Variants in TRMT9B observed in about 807,000 individuals in gnomAD.
The protein encoded by TRMT9B is tRNA methyltransferase 9B (putative), also known as probable tRNA methyltransferase 9B.
Under a neutral mutation model 11.5 loss-of-function variants are expected in TRMT9B, and 16 were observed. The observed-to-expected ratio is 1.39, with a 90% CI of 0.94 to 2.11. The LOEUF (loss-of-function observed/expected upper bound fraction) is 2.11, where lower values mean the gene tolerates loss of function less well. Among genes scored for constraint, TRMT9B ranks in the 30% most tolerant of loss-of-function variants. The pLI, the probability that TRMT9B is intolerant of heterozygous loss-of-function variation, is 0.00. For synonymous variants in TRMT9B, 274 were observed against 192.4 expected (o/e 1.42, Z -3.51); for missense variants, 941 against 553.8 (o/e 1.70, Z -7.02).
chr8:12,988,342 G>C (rs1170807432), intron 1 of TRMT9B, among the ~76,000 whole-genome samples: 1 of 152,134 alleles, frequency 6.6e-6, no homozygotes, highest in Non-Finnish European at 1.5e-5. Context: ...ACACTGTTTA[G>C]ATCCATGATA....
intron 1 of TRMT9B, among the ~76,000 whole-genome samples, chr8:12,964,844 G>A (rs1330789072): frequency 2.0e-5 from 3 of 152,048 alleles, no homozygotes; most frequent in African/African-American, 7.2e-5. Flanking sequence ...CTCCCAGTTC[G>A]GCCTCCCAAA....
chr8:12,990,662 A>G (rs777436699), intron 1 of TRMT9B, among the ~76,000 whole-genome samples, 172 bp from the exon 2 acceptor site: 7 of 152,220 alleles, frequency 4.6e-5, no homozygotes, highest in African/African-American at 7.2e-5. Flanking sequence ...TTATTGGCCT[A>G]TTGATTTGAA....
intron 1 of TRMT9B, among the ~76,000 whole-genome samples, chr8:12,989,991 G>A (rs1156616659): frequency 2.0e-5 from 3 of 152,160 alleles, no homozygotes; most frequent in African/African-American, 4.8e-5. Context: ...CTTAAATAGG[G>A]GCCAGGACTA....
At chr8:12,959,926 C>G (rs1184982531) in intron 1 of TRMT9B, 1 of 152,136 alleles carries the variant, frequency 6.6e-6, no homozygotes, top group Non-Finnish European at 1.5e-5. Flanking sequence ...AGGGAGCTTC[C>G]AGGTACCCAG....
At chr8:12,949,164 C>CT (rs1374933099) in intron 1 of TRMT9B, among the ~76,000 whole-genome samples, 5 of 151,710 alleles carry the variant, frequency 3.3e-5, no homozygotes, top group Admixed American at 6.6e-5. Flanking sequence ...TTCTTTCTTT[C>CT]TTTTTTTATA....
Position 13,023,087 on chromosome 8 carries a change from C to G in TRMT9B, c.*1043C>G, listed in dbSNP as rs1165656224. The G allele has an allele frequency of 6.0e-6, 1 of 167,052 alleles. No individual in the cohort carries two copies. Among genetic ancestry groups the G allele is most frequent in the Non-Finnish European group, 1.5e-5 (1 of 68,126 alleles). The allele number at this position is 167,052 out of a possible 1,614,324, so 10.3% of individuals were successfully genotyped here. The stretch of plus-strand genomic sequence containing the variant: ...AGTACCCAAGTGGTATTCTTCCAAT[C>G]TTATTAGAAGCATGAATATTCAAGA... On this transcript the variant is annotated 3_prime_UTR_variant, in exon 5 of 5. Transcript: ENST00000524591.
chr8:12,990,717 C>T (rs1807185454), intron 1 of TRMT9B, 117 bp from the exon 2 acceptor site: 4 of 399,592 alleles, frequency 1.0e-5, no homozygotes, highest in Non-Finnish European at 8.2e-6. Context: ...ACAATTCTTT[C>T]TAATCCCTAC....
At chr8:13,012,916 T>C (rs1811925602) in intron 4 of TRMT9B, 59 bp downstream of exon 4, 1 of 1,581,840 alleles carries the variant, frequency 6.3e-7, no homozygotes, top group Non-Finnish European at 8.6e-7. Context: ...CCCGGTTTAG[T>C]CCGTTCTCAT....
chr8:12,982,775 G>A (rs1165552889), intron 1 of TRMT9B, among the ~76,000 whole-genome samples: 2 of 152,088 alleles, frequency 1.3e-5, no homozygotes, highest in African/African-American at 4.8e-5. Context: ...AACTTTTTGA[G>A]TGACCACATG....
chr8:12,962,239 A>T (rs994177978), intron 1 of TRMT9B: 1 of 152,240 alleles, frequency 6.6e-6, no homozygotes, highest in Non-Finnish European at 1.5e-5. Flanking sequence ...GCTTCATCAT[A>T]TGCCATTCCC....
chr8:12,963,113 T>G (rs1404804930), intron 1 of TRMT9B, among the ~76,000 whole-genome samples: 1 of 152,196 alleles, frequency 6.6e-6, no homozygotes, highest in African/African-American at 2.4e-5. Flanking sequence ...GAGCTTTTTA[T>G]TACAGGTAAA....
intron 3 of TRMT9B, chr8:13,011,510 T>A: frequency 1.0e-6 from 1 of 962,642 alleles, no homozygotes; most frequent in Non-Finnish European, 1.2e-6. Flanking sequence ...AAATATAGGC[T>A]CTAATGATTT....
Position 13,021,535 on chromosome 8 carries a change from C to T in TRMT9B, c.856C>T (p.Pro286Ser). 1.2e-6 allele frequency: 2 copies of T among 1,613,792 alleles called. No homozygotes were observed. Among genetic ancestry groups the T allele is most frequent in the Non-Finnish European group, 8.5e-7 (1 of 1,179,768 alleles). ...VWASSTVTVQ[P>S]SRHSSLDFDH... ...GGCCAGTAGCACTGTAACAGTCCAG[C>T]CTTCCAGACACTCTAGTTTAGACTT... The change falls in exon 5 of 5, where the codon CCT becomes TCT. Residue 286 changes from proline (P) to serine (S), a missense_variant. Pro to Ser is a moderately conservative substitution (Grantham distance 74). Coordinates refer to ENST00000524591, the MANE Select transcript of TRMT9B (RefSeq NM_020844.3).
intron 1 of TRMT9B, among the ~76,000 whole-genome samples, chr8:12,964,042 A>C (rs775369157): frequency 6.6e-6 from 1 of 152,216 alleles, no homozygotes; most frequent in Non-Finnish European, 1.5e-5. Context: ...CTTCTCGTAC[A>C]TGAACTGTGT....
At chr8:12,981,706 C>A (rs915859747) in intron 1 of TRMT9B, among the ~76,000 whole-genome samples, 4 of 151,906 alleles carry the variant, frequency 2.6e-5, no homozygotes, top group Non-Finnish European at 5.9e-5. Flanking sequence ...CTCAAGTGAT[C>A]ATCCAGCCTC....
chr8:12,957,774 C>A (rs1303823928), intron 1 of TRMT9B, among the ~76,000 whole-genome samples: 1 of 152,140 alleles, frequency 6.6e-6, no homozygotes, highest in Non-Finnish European at 1.5e-5. Flanking sequence ...ATAAAATATG[C>A]ATAGAATTTT....
At chr8:13,019,180 T>C (rs1813352694) in intron 4 of TRMT9B, among the ~76,000 whole-genome samples, 1 of 152,126 alleles carries the variant, frequency 6.6e-6, no homozygotes, top group African/African-American at 2.4e-5. Context: ...CCATGAATAA[T>C]GAAGATGGAT....
At chr8:12,963,753 A>C (rs540491478) in intron 1 of TRMT9B, among the ~76,000 whole-genome samples, 2 of 152,340 alleles carry the variant, frequency 1.3e-5, no homozygotes, top group South Asian at 2.1e-4. Flanking sequence ...TGTCTCAAAC[A>C]AAACAAAAAT....
chr8:12,971,791 T>A (rs1361112420), intron 1 of TRMT9B, among the ~76,000 whole-genome samples: 1 of 152,240 alleles, frequency 6.6e-6, no homozygotes, highest in Non-Finnish European at 1.5e-5. Flanking sequence ...TATAAGCATA[T>A]TTTCATGACC....
Sources: allele counts gnomAD v4.1 joint callset (sites outside exome capture counted in the v4.1 genomes callset), GRCh38; gene constraint gnomAD v4.1.1; transcripts MANE v1.5; gene names NCBI Gene and HGNC (gene_info 2026-07-23, HGNC 2026-07-21).